ENPP2: variants seen among roughly 807,000 people sequenced by gnomAD.
ENPP2 encodes autotaxin.
ENPP2 carries 51 observed loss-of-function variants against 120.2 expected under a neutral mutation model. The observed-to-expected ratio is 0.42, with a 90% CI of 0.34 to 0.54. ENPP2 has a LOEUF of 0.54. ENPP2 is among the 20% of genes least tolerant of loss of function. ENPP2 has a pLI of 0.04. For missense variants in ENPP2, 920 were observed against 1,066.5 expected (o/e 0.86, Z 1.91); for synonymous variants, 365 against 366.4 (o/e 1.00, Z 0.04).
intron 1 of ENPP2, among the ~76,000 whole-genome samples, chr8:119,659,723 G>A (rs562080442): frequency 3.3e-4 from 50 of 152,246 alleles, no homozygotes; most frequent in Admixed American, 2.4e-3. Flanking sequence ...TGCTTCAAAG[G>A]GTGAAGAATA....
chr8:119,648,916 T>C (rs1461912235), intron 1 of ENPP2, among the ~76,000 whole-genome samples: 1 of 152,088 alleles, frequency 6.6e-6, no homozygotes, highest in African/African-American at 2.4e-5. Context: ...GCCATCCAAA[T>C]TGGGAAGGAA....
At chr8:119,571,027 A>G in intron 19 of ENPP2, 186 bp from the exon 20 acceptor site, 1 of 410,180 alleles carries the variant, frequency 2.4e-6, no homozygotes, top group African/African-American at 2.1e-5. Flanking sequence ...TCACCTAACC[A>G]TGGGTCAAGC....
rs575708364 is a variant in ENPP2, at chr8:119,588,508, G to A, written c.1208-1433C>T. Reference sequence around the variant, plus strand: ...GGAGCCACTGCACTCCAGCCTGGGCGACAGAACAAAACTCCGCCTCAAAAA... The same window carrying A: ...GGAGCCACTGCACTCCAGCCTGGGCAACAGAACAAAACTCCGCCTCAAAAA... On this transcript the variant is annotated intron_variant, in intron 13 of 24. Coordinates refer to ENST00000075322, the MANE Select transcript of ENPP2 (RefSeq NM_001040092.3). Among the ~76,000 whole-genome samples, 186 of 128,506 alleles carry A rather than the reference G, an allele frequency of 1.4e-3. No individual in the cohort carries two copies. The Middle Eastern group carries it at 0.019, about 13-fold the overall frequency. 84.3% of individuals were successfully genotyped at this position (128,506 alleles called of 152,430 possible). A position where few individuals can be genotyped will look rare whatever the true frequency, so the allele number is the denominator to read the frequency against.
chr8:119,622,387 C>A (rs988698068), intron 3 of ENPP2, among the ~76,000 whole-genome samples: 5 of 152,204 alleles, frequency 3.3e-5, no homozygotes, highest in African/African-American at 9.6e-5. Context: ...ACCACTGACC[C>A]ATTGTGGTCC....
At chr8:119,668,429 C>CTTTTTTTTTT (rs5894492) in intron 1 of ENPP2, among the ~76,000 whole-genome samples, 1 of 110,548 alleles carries the variant, frequency 9.0e-6, no homozygotes, top group African/African-American at 3.4e-5. Flanking sequence ...TTTTCTTTTT[C>CTTTTTTTTTT]TTTTTTTTTT....
intron 15 of ENPP2, among the ~76,000 whole-genome samples, chr8:119,585,315 T>C (rs1813027083): frequency 6.6e-6 from 1 of 152,178 alleles, no homozygotes; most frequent in Admixed American, 6.5e-5. Flanking sequence ...CCCTGGAAAA[T>C]TACAGCATGA....
chr8:119,631,958 C>T (rs921611810), intron 2 of ENPP2, among the ~76,000 whole-genome samples: 8 of 152,144 alleles, frequency 5.3e-5, no homozygotes, highest in African/African-American at 1.9e-4. Flanking sequence ...AGAAGGAGAA[C>T]GATGTTAAAT....
rs1272067364 is a variant in ENPP2 at position 119,587,040 on chromosome 8, T to C, written c.1239+4A>G. On this transcript the variant is annotated splice_donor_region_variant and intron_variant, in intron 14 of 24. Coordinates refer to ENST00000075322, the MANE Select transcript of ENPP2 (RefSeq NM_001040092.3). ...GCAGAGGCGGGACAACTGGAAACAC[T>C]TACCGTGAGATTGGCAATAATGGCT... 1 of 1,608,400 alleles carries C rather than the reference T, an allele frequency of 6.2e-7. No homozygotes were observed. Among genetic ancestry groups the C allele is most frequent in the Non-Finnish European group, 8.5e-7 (1 of 1,177,802 alleles).
intron 2 of ENPP2, among the ~76,000 whole-genome samples, chr8:119,635,057 C>A (rs1339477614): frequency 6.6e-6 from 1 of 152,216 alleles, no homozygotes; most frequent in East Asian, 1.9e-4. Flanking sequence ...AATGGCTGAT[C>A]TACGTCCCCT....
upstream of ENPP2, among the ~76,000 whole-genome samples, chr8:119,643,575 C>A (rs952485255): frequency 6.6e-6 from 1 of 152,110 alleles, no homozygotes; most frequent in African/African-American, 2.4e-5. Context: ...CACATGAGCC[C>A]CGACACCAGA....
chr8:119,601,874 C>T (rs978287004), intron 9 of ENPP2, among the ~76,000 whole-genome samples: 3 of 152,100 alleles, frequency 2.0e-5, no homozygotes, highest in Admixed American at 6.6e-5. Flanking sequence ...CTTGACCACT[C>T]GGTCTCAGTT....
At chr8:119,627,403 A>T in intron 2 of ENPP2, among the ~76,000 whole-genome samples, 1 of 152,208 alleles carries the variant, frequency 6.6e-6, no homozygotes, top group East Asian at 1.9e-4. Flanking sequence ...AAAATTCCAC[A>T]AATTTGTAAT....
chr8:119,644,165 T>C (rs911972041), intron 1 of ENPP2, among the ~76,000 whole-genome samples: 9 of 152,078 alleles, frequency 5.9e-5, no homozygotes, highest in African/African-American at 2.2e-4. Flanking sequence ...CTTAATCAGA[T>C]TTTGAAGCAT....
Position 119,557,559 on chromosome 8 carries a change from G to A in ENPP2, c.2554C>T (p.Leu852Phe). 6 of 1,613,346 alleles carry A rather than the reference G, an allele frequency of 3.7e-6. No individual in the cohort carries two copies. The highest frequency in any genetic ancestry group is 3.7e-4 in the Middle Eastern group (2 of 5,438). Reference sequence around the variant, plus strand: ...TCATATGTATGCAGGTATGTCTTGAGTGTCAGGATTTCTGGGTAGCTGCGG... The same window carrying A: ...TCATATGTATGCAGGTATGTCTTGAATGTCAGGATTTCTGGGTAGCTGCGG... Reference protein sequence around the residue: ...TSRSYPEILTLKTYLHTYESE... With the variant: ...TSRSYPEILTFKTYLHTYESE... The change falls in exon 25 of 25, where the codon CTC becomes TTC. Residue 852 changes from leucine to phenylalanine, a missense_variant. Leu to Phe is a conservative substitution (Grantham distance 22). Transcript: ENST00000075322.
At chr8:119,595,198 C>T (rs1184573813) in intron 11 of ENPP2, among the ~76,000 whole-genome samples, 4 of 152,156 alleles carry the variant, frequency 2.6e-5, no homozygotes, top group Admixed American at 6.5e-5. Context: ...CAGGTAAAAT[C>T]CAGAACCTAC....
chr8:119,605,467 T>TA (rs1209460755), intron 9 of ENPP2, among the ~76,000 whole-genome samples: 163 of 142,406 alleles, frequency 1.1e-3, no homozygotes, highest in African/African-American at 4.2e-3. Flanking sequence ...TGTGTGTGTA[T>TA]TTTTTTTTTT....
intron 11 of ENPP2, among the ~76,000 whole-genome samples, chr8:119,597,361 A>G (rs572078087): frequency 6.6e-6 from 1 of 152,296 alleles, no homozygotes; most frequent in South Asian, 2.1e-4. Flanking sequence ...TCAACATTCC[A>G]AAGACTCCAA....
intron 4 of ENPP2, among the ~76,000 whole-genome samples, chr8:119,620,953 G>A (rs1587502866): frequency 6.6e-6 from 1 of 152,290 alleles, no homozygotes; most frequent in Admixed American, 6.5e-5. Flanking sequence ...TTCAGAGCAA[G>A]CAATAGAGGG....
Position 119,579,969 on chromosome 8 carries a change from C to T in ENPP2, c.1780+147G>A, listed in dbSNP as rs1812615813. The T allele has an allele frequency of 1.4e-5, 10 of 697,270 alleles. No homozygotes were observed. The South Asian group carries it at 1.8e-4, about 12-fold the overall frequency. 43.2% of individuals were successfully genotyped at this position (697,270 alleles called of 1,614,324 possible). A position where few individuals can be genotyped will look rare whatever the true frequency, so the allele number is the denominator to read the frequency against. On this transcript the variant is annotated intron_variant, in intron 19 of 24. Coordinates refer to ENST00000075322, the MANE Select transcript of ENPP2 (RefSeq NM_001040092.3). Reference sequence around the variant, plus strand: ...TGTGTACATGGAATAAACAAATATCCTTTGCCAGATAGGTATGAAAGTCAC... The same window carrying T: ...TGTGTACATGGAATAAACAAATATCTTTTGCCAGATAGGTATGAAAGTCAC...
Sources: allele counts gnomAD v4.1 joint callset (sites outside exome capture counted in the v4.1 genomes callset), GRCh38; gene constraint gnomAD v4.1.1; transcripts MANE v1.5; gene names NCBI Gene and HGNC (gene_info 2026-07-23, HGNC 2026-07-21).